The following PRRC2B variants were observed in gnomAD, a reference collection of about 807,000 sequenced individuals.
The protein encoded by PRRC2B is protein PRRC2B.
Under a neutral mutation model 242.3 loss-of-function variants are expected in PRRC2B, and 68 were observed. The ratio of observed to expected loss-of-function variants is 0.28; its 90% CI spans 0.23 to 0.34. PRRC2B has a LOEUF of 0.34. PRRC2B is among the 10% of genes least tolerant of loss of function. The pLI is 1.00. For synonymous variants in PRRC2B, 1,228 were observed against 1,173.6 expected (o/e 1.05, Z -0.95); for missense variants, 2,835 against 2,954.8 (o/e 0.96, Z 0.94).
chr9:131,446,261 C>T lies in PRRC2B; in HGVS notation c.614-140C>T, dbSNP rs1838795556. On this transcript the variant is annotated intron_variant, in intron 6 of 31. Transcript: ENST00000683519. This position sits in a 1 kb window ranked among gnomAD's most constrained non-coding sequence, Gnocchi z 4.1. ...CCCCAACCTTCCCTGACAGATTTAACAGTTCTTCACTTTTGGTGTTTTTTG... is the reference window on the plus strand; with the variant it reads ...CCCCAACCTTCCCTGACAGATTTAATAGTTCTTCACTTTTGGTGTTTTTTG... 2 of 1,045,908 alleles carry T rather than the reference C, an allele frequency of 1.9e-6. No homozygotes were observed. The highest frequency in any genetic ancestry group is 5.2e-5 in the East Asian group (2 of 38,782). The allele number at this position is 1,045,908 out of a possible 1,614,324, so 64.8% of individuals were successfully genotyped here.
intron 11 of PRRC2B, among the ~76,000 whole-genome samples, chr9:131,462,196 T>C (rs1239554183): frequency 6.6e-6 from 1 of 152,168 alleles, no homozygotes; most frequent in Non-Finnish European, 1.5e-5. Context: ...ATCCAAGGCA[T>C]CTTCTGACCA....
At chr9:131,444,859 G>A (rs1838741149) in intron 6 of PRRC2B, among the ~76,000 whole-genome samples, 1 of 152,198 alleles carries the variant, frequency 6.6e-6, no homozygotes, top group African/African-American at 2.4e-5. Context: ...TGGCAGGATT[G>A]TGTAGCACTG....
intron 13 of PRRC2B, among the ~76,000 whole-genome samples, chr9:131,469,189 C>T (rs916253548): frequency 1.3e-5 from 2 of 152,104 alleles, no homozygotes; most frequent in Admixed American, 6.6e-5. Flanking sequence ...CAAAAATTAG[C>T]CAGGCGTGGT....
At chr9:131,403,166 G>A (rs1375176911) in intron 1 of PRRC2B, among the ~76,000 whole-genome samples, 1 of 152,166 alleles carries the variant, frequency 6.6e-6, no homozygotes, top group African/African-American at 2.4e-5. Flanking sequence ...GCCTGTCTGG[G>A]AGGGGCATCA....
chr9:131,477,749 C>T lies in PRRC2B; in HGVS notation c.4412C>T (p.Pro1471Leu). Residue 1471 changes from proline (P) to leucine (L), a missense_variant, in exon 17 of 32, where the codon CCA (proline) becomes CTA (leucine). Physicochemically the swap from Pro to Leu is moderately conservative, Grantham distance 98. Transcript: ENST00000683519. ...NGTPLKVKRS[P>L]DEALPGGLSG... is the part of the protein sequence containing the mutation. ...AGATCCTCTTTCCCTTACAGATCCCCAGACGAGGCCTTGCCTGGAGGTCTT... is the reference window on the plus strand; with the variant it reads ...AGATCCTCTTTCCCTTACAGATCCCTAGACGAGGCCTTGCCTGGAGGTCTT... 1 of 1,597,918 alleles carries T rather than the reference C, an allele frequency of 6.3e-7. No homozygotes were observed. Among genetic ancestry groups the T allele is most frequent in the Non-Finnish European group, 8.5e-7 (1 of 1,170,480 alleles).
Position 131,470,956 on chromosome 9 carries a change from T to C in PRRC2B, c.2080T>C (p.Phe694Leu), listed in dbSNP as rs1943527785. 1 of 1,612,330 alleles carries C rather than the reference T, an allele frequency of 6.2e-7. No homozygotes were observed. Among genetic ancestry groups the C allele is most frequent in the East Asian group, 2.2e-5 (1 of 44,768 alleles). Residue 694 changes from phenylalanine to leucine, a missense_variant, in exon 14 of 32, where the codon TTC becomes CTC. Phe to Leu is a conservative substitution (Grantham distance 22). This residue lies in a region of PRRC2B where 1,536 missense variants were observed against 1,483.1 expected (regional missense o/e 1.04). Transcript: ENST00000683519. The stretch of plus-strand genomic sequence containing the variant: ...CACGCCCACTCGGACCCCGGTGGAC[T>C]TCTACCCCTCCGCCCTGCATCCCTC... ...RITPTRTPVD[F>L]YPSALHPSGL... is the part of the protein sequence containing the mutation.
At chr9:131,474,361 G>GTTTTTTTTTTTT in intron 15 of PRRC2B, 93 bp from the exon 16 acceptor site, 1 of 1,113,728 alleles carries the variant, frequency 9.0e-7, no homozygotes. Context: ...TTTTGTTTTT[G>GTTTTTTTTTTTT]TTTTTTCTTT....
chr9:131,455,634 G>C (rs1467843365), intron 10 of PRRC2B, among the ~76,000 whole-genome samples: 1 of 148,882 alleles, frequency 6.7e-6, no homozygotes, highest in Non-Finnish European at 1.5e-5. Flanking sequence ...TCCCACCCCA[G>C]CTTCCCAAAT....
At chr9:131,417,873 C>G (rs1476117358) in intron 1 of PRRC2B, among the ~76,000 whole-genome samples, 1 of 152,230 alleles carries the variant, frequency 6.6e-6, no homozygotes, top group Non-Finnish European at 1.5e-5. Context: ...ACTCGACTGC[C>G]TTTTCCCCAT....
rs369115164 is a variant in PRRC2B at position 131,478,801 on chromosome 9, A to G, written c.4758+182A>G. Among the ~76,000 whole-genome samples, 6 of 152,222 alleles carry G rather than the reference A, an allele frequency of 3.9e-5. No individual in the cohort carries two copies. In the East Asian group the frequency reaches 1.2e-3, roughly 29 times the overall value. On this transcript the variant is annotated intron_variant, in intron 18 of 31. Coordinates refer to ENST00000683519, the MANE Select transcript of PRRC2B (RefSeq NM_013318.4). Reference sequence around the variant, plus strand: ...TGCTATTACCAAGGCCCTTCTATCAATGTAGGAATAGGTGGTGGCATCACT... The same window carrying G: ...TGCTATTACCAAGGCCCTTCTATCAGTGTAGGAATAGGTGGTGGCATCACT...
intron 1 of PRRC2B, among the ~76,000 whole-genome samples, chr9:131,384,793 G>A (rs994038657): frequency 4.6e-5 from 7 of 152,116 alleles, no homozygotes; most frequent in Admixed American, 4.6e-4. Context: ...GACCTCAAGT[G>A]ATCCACCCAC....
intron 1 of PRRC2B, among the ~76,000 whole-genome samples, chr9:131,394,687 G>T (rs1260481717): frequency 1.3e-5 from 2 of 151,558 alleles, no homozygotes; most frequent in Non-Finnish European, 2.9e-5. Context: ...TCCCCGCCCC[G>T]CCCAATTGAC....
intron 23 of PRRC2B, 47 bp downstream of exon 23, chr9:131,483,492 G>C: frequency 6.5e-7 from 1 of 1,546,778 alleles, no homozygotes; most frequent in South Asian, 1.1e-5. Context: ...CTTGGGGCTG[G>C]CAGGCCCTGG....
At chr9:131,465,379 G>GT (rs1185439756) in intron 12 of PRRC2B, among the ~76,000 whole-genome samples, 2 of 152,176 alleles carry the variant, frequency 1.3e-5, no homozygotes, top group Non-Finnish European at 2.9e-5. Flanking sequence ...CCAACAGGTA[G>GT]TTTTTCAGCC....
In PRRC2B at chr9:131,499,645, G is replaced by C. The variant is rs369333911; in HGVS notation, c.*3771G>C. The C allele has an allele frequency of 2.0e-5, 3 of 151,922 alleles. No individual in the cohort carries two copies. The East Asian group carries it at 5.8e-4, about 29-fold the overall frequency. 9.4% of individuals were successfully genotyped at this position (151,922 alleles called of 1,614,324 possible). On this transcript the variant is annotated 3_prime_UTR_variant, in exon 32 of 32. Transcript: ENST00000683519. Reference sequence around the variant, plus strand: ...AATGTGTAGTTGGCTGGTGGTCTTCGGGCATGTGAGACCTGCTCTTCACTG... The same window carrying C: ...AATGTGTAGTTGGCTGGTGGTCTTCCGGCATGTGAGACCTGCTCTTCACTG...
At chr9:131,437,714 A>C (rs1838420757) in intron 4 of PRRC2B, among the ~76,000 whole-genome samples, 1 of 152,252 alleles carries the variant, frequency 6.6e-6, no homozygotes, top group Admixed American at 6.5e-5. Flanking sequence ...TTTTAAAATT[A>C]AAGACAAGAA....
At chr9:131,445,662 G>A (rs1427514945) in intron 6 of PRRC2B, among the ~76,000 whole-genome samples, 1 of 152,180 alleles carries the variant, frequency 6.6e-6, no homozygotes, top group Non-Finnish European at 1.5e-5. Context: ...GAAGAGCTGG[G>A]ATCAGACATG....
chr9:131,475,838 C>G lies in PRRC2B; in HGVS notation c.3709C>G (p.Gln1237Glu). The G allele has an allele frequency of 6.2e-7, 1 of 1,612,860 alleles. No homozygotes were observed. Among genetic ancestry groups the G allele is most frequent in the Non-Finnish European group, 8.5e-7 (1 of 1,178,974 alleles). ...GAGCAAAAGTCCAGGCAGCTCTTGGCAGGAATATGGCCCTTCCGACACATG... is the reference window on the plus strand; with the variant it reads ...GAGCAAAAGTCCAGGCAGCTCTTGGGAGGAATATGGCCCTTCCGACACATG... The part of the protein sequence containing the change: ...WQSKSPGSSW[Q>E]EYGPSDTCGS... Residue 1237 changes from glutamine to glutamate, a missense_variant, in exon 16 of 32, where the codon CAG becomes GAG. Physicochemically the swap from Gln to Glu is conservative, Grantham distance 29. This residue lies in a region of PRRC2B where 1,536 missense variants were observed against 1,483.1 expected (regional missense o/e 1.04). Coordinates refer to ENST00000683519, the MANE Select transcript of PRRC2B (RefSeq NM_013318.4).
At chr9:131,421,304 C>T (rs933941191) in intron 1 of PRRC2B, among the ~76,000 whole-genome samples, 1 of 152,160 alleles carries the variant, frequency 6.6e-6, no homozygotes, top group African/African-American at 2.4e-5. Context: ...GGTGAGGTCG[C>T]CTTACTTACG....
Sources: allele counts gnomAD v4.1 joint callset (sites outside exome capture counted in the v4.1 genomes callset), GRCh38; gene constraint gnomAD v4.1.1; regional missense constraint gnomAD v4.1.1; non-coding constraint Gnocchi (gnomAD v3.1); transcripts MANE v1.5; gene names NCBI Gene and HGNC (gene_info 2026-07-23, HGNC 2026-07-21).